The following PTER variants were observed in gnomAD, a reference collection of about 807,000 sequenced individuals.
The protein encoded by PTER is N-acetyltaurine hydrolase.
Under a neutral mutation model 29.6 loss-of-function variants are expected in PTER, and 38 were observed. That is an observed-to-expected ratio of 1.28 (90% CI 0.99 to 1.68). The LOEUF (loss-of-function observed/expected upper bound fraction) is 1.68, where lower values mean the gene tolerates loss of function less well. PTER is among the 40% of genes most tolerant of loss of function. The pLI is 0.00. For missense variants in PTER, 482 were observed against 427.8 expected (o/e 1.13, Z -1.12); for synonymous variants, 172 against 154.5 (o/e 1.11, Z -0.84).
At chr10:16,491,506 C>T (rs757693293) in intron 3 of PTER, among the ~76,000 whole-genome samples, 11 of 152,174 alleles carry the variant, frequency 7.2e-5, no homozygotes, top group South Asian at 2.1e-4. Flanking sequence ...CTTTCTGTAA[C>T]GGGGACAAAT....
At chr10:16,478,404 G>A (rs1199185123) in intron 1 of PTER, among the ~76,000 whole-genome samples, 1 of 149,856 alleles carries the variant, frequency 6.7e-6, no homozygotes, top group Admixed American at 6.7e-5. Flanking sequence ...CACGATTTTG[G>A]CTCACTGCAA....
chr10:16,471,475 G>A (rs1835053007), intron 1 of PTER, among the ~76,000 whole-genome samples: 1 of 151,888 alleles, frequency 6.6e-6, no homozygotes, highest in Admixed American at 6.6e-5. Flanking sequence ...GAAAAAAAAT[G>A]GTCGATCTTC....
At chr10:16,487,423 T>C (rs1184593131) in intron 3 of PTER, among the ~76,000 whole-genome samples, 1 of 152,236 alleles carries the variant, frequency 6.6e-6, no homozygotes, top group Non-Finnish European at 1.5e-5. Flanking sequence ...TCACTGTCTA[T>C]GTCTTCTCCT....
chr10:16,441,045 C>A (rs1309233518), intron 1 of PTER, among the ~76,000 whole-genome samples: 3 of 152,114 alleles, frequency 2.0e-5, no homozygotes, highest in Non-Finnish European at 4.4e-5. Flanking sequence ...ATGCTCCAGT[C>A]TGCTTTGTGA....
chr10:16,469,013 G>A (rs1216129539), intron 1 of PTER, among the ~76,000 whole-genome samples: 3 of 151,882 alleles, frequency 2.0e-5, no homozygotes, highest in African/African-American at 7.3e-5. Flanking sequence ...CAGAAGAAGT[G>A]CATTATTAAG....
intron 1 of PTER, among the ~76,000 whole-genome samples, chr10:16,475,613 G>T (rs1835232025): frequency 6.6e-6 from 1 of 152,134 alleles, no homozygotes; most frequent in South Asian, 2.1e-4. Context: ...GGTAGAAGGG[G>T]GCTACACAAG....
intron 1 of PTER, among the ~76,000 whole-genome samples, chr10:16,442,175 A>G (rs1833872175): frequency 6.6e-6 from 1 of 152,324 alleles, no homozygotes; most frequent in East Asian, 1.9e-4. Context: ...CTGTGTACCC[A>G]CAAAATTTCT....
At chr10:16,498,325 AC>A (rs1325630670) in intron 3 of PTER, among the ~76,000 whole-genome samples, 1 of 152,346 alleles carries the variant, frequency 6.6e-6, no homozygotes, top group Admixed American at 6.5e-5. Context: ...TAATCCCAGC[AC>A]TTTGGGAGGC....
intron 3 of PTER, among the ~76,000 whole-genome samples, chr10:16,503,898 A>G (rs987557554): frequency 3.9e-5 from 6 of 152,182 alleles, no homozygotes; most frequent in African/African-American, 1.4e-4. Context: ...GCATGGATAA[A>G]AAGCCAATAA....
chr10:16,511,209 G>A lies in PTER; in HGVS notation c.1003G>A (p.Asp335Asn). Residue 335 changes from aspartate (D) to asparagine (N), a missense_variant, in exon 5 of 5, where the codon GAT becomes AAT. Transcript: ENST00000535784. ...GAGAGGCATAACTGAGAATGTGCTTGATAAGATTCTAATAGAGAACCCTAA... is the reference window on the plus strand; with the variant it reads ...GAGAGGCATAACTGAGAATGTGCTTAATAAGATTCTAATAGAGAACCCTAA... Reference protein sequence around the residue: ...LLRGITENVLDKILIENPKQW... With the variant: ...LLRGITENVLNKILIENPKQW... 6.2e-7 allele frequency: 1 copy of A among 1,614,106 alleles called. No homozygotes were observed. The highest frequency in any genetic ancestry group is 8.5e-7 in the Non-Finnish European group (1 of 1,179,970).
chr10:16,503,409 T>A (rs933454253), intron 3 of PTER, among the ~76,000 whole-genome samples: 2 of 151,232 alleles, frequency 1.3e-5, no homozygotes, highest in African/African-American at 4.9e-5. Context: ...GTTTTGTTTT[T>A]GTTTTTGTCT....
chr10:16,503,486 C>A (rs1836442259), intron 3 of PTER, among the ~76,000 whole-genome samples: 1 of 152,110 alleles, frequency 6.6e-6, no homozygotes, highest in South Asian at 2.1e-4. Flanking sequence ...CTCACTGCAA[C>A]CTCCGTCTCC....
chr10:16,458,037 A>G (rs1021295046), intron 1 of PTER, among the ~76,000 whole-genome samples: 1 of 152,210 alleles, frequency 6.6e-6, no homozygotes, highest in Non-Finnish European at 1.5e-5. Flanking sequence ...TTCTGTCTCT[A>G]AGGTAGAGAG....
At chr10:16,445,547 CT>C (rs371064607) in intron 1 of PTER, among the ~76,000 whole-genome samples, 1 of 152,312 alleles carries the variant, frequency 6.6e-6, no homozygotes, top group East Asian at 1.9e-4. Context: ...ATGTCTATTA[CT>C]TCCATGAGTC....
At chr10:16,510,613 T>C (rs1233934336) in intron 4 of PTER, among the ~76,000 whole-genome samples, 1 of 152,208 alleles carries the variant, frequency 6.6e-6, no homozygotes, top group African/African-American at 2.4e-5. Context: ...GTCCTTGATA[T>C]TTTTTGGCCA....
At chr10:16,484,257 C>T in intron 1 of PTER, 80 bp from the exon 2 acceptor site, 1 of 914,138 alleles carries the variant, frequency 1.1e-6, no homozygotes, top group Non-Finnish European at 1.7e-6. Flanking sequence ...TGTTCACAGC[C>T]TCCCACCCCT....
Position 16,499,026 on chromosome 10 carries a change from C to A in PTER, c.699-5994C>A, listed in dbSNP as rs143297971. On this transcript the variant is annotated intron_variant, in intron 3 of 4. Transcript: ENST00000535784. ...TGCCCTGGTGCCTGGGTGTTCTTAC[C>A]CCTGGAGGGGCAGCCTGGTTTAAGA... Among the ~76,000 whole-genome samples the A allele has an allele frequency of 2.5e-3, 381 of 152,186 alleles. 4 individuals are homozygous for A. Among genetic ancestry groups the A allele is most frequent in the African/African-American group, 8.1e-3 (337 of 41,506 alleles).
intron 3 of PTER, among the ~76,000 whole-genome samples, chr10:16,497,751 C>G (rs1310222034): frequency 1.3e-5 from 2 of 152,168 alleles, no homozygotes. Context: ...TTCTCCCACA[C>G]AGAGTGCATT....
chr10:16,505,094 C>T lies in PTER; in HGVS notation c.773C>T (p.Thr258Ile), dbSNP rs200093337. 7.4e-6 allele frequency: 12 copies of T among 1,613,436 alleles called. No homozygotes were observed. In the Admixed American group the frequency reaches 1.2e-4, roughly 16 times the overall value. ...TACTTGGAATATGATCTCTTTGGTA[C>T]TGAACTACTTCATTACCAACTCGGC... is the stretch of plus-strand genomic sequence containing the variant. ...GCYLEYDLFG[T>I]ELLHYQLGPD... The change falls in exon 4 of 5, where the codon ACT becomes ATT. Residue 258 changes from threonine (T) to isoleucine (I), a missense_variant. By Grantham distance (89) the Thr-to-Ile change is moderately conservative. Transcript: ENST00000535784.
Sources: gnomAD v4.1 joint callset for allele counts (sites outside exome capture counted in the v4.1 genomes callset) on GRCh38, gnomAD v4.1.1 for gene constraint, MANE v1.5 for transcripts, NCBI Gene and HGNC (gene_info 2026-07-23, HGNC 2026-07-21) for gene names.